The following TBCE variants were observed in gnomAD, a reference collection of about 807,000 sequenced individuals.
TBCE encodes the protein tubulin-specific chaperone E.
TBCE carries 53 observed loss-of-function variants against 77.0 expected under a neutral mutation model. The observed-to-expected ratio is 0.69, with a 90% CI of 0.55 to 0.87. The LOEUF is 0.87. Among genes scored for constraint, TBCE ranks in the 40% least tolerant of loss-of-function variants. The pLI is 0.00. For missense variants in TBCE, 624 were observed against 622.4 expected (o/e 1.00, Z -0.03); for synonymous variants, 235 against 241.3 (o/e 0.97, Z 0.24).
chr1:235,425,181 T>G (rs1680638856), intron 5 of TBCE, among the ~76,000 whole-genome samples: 1 of 152,202 alleles, frequency 6.6e-6, no homozygotes, highest in South Asian at 2.1e-4. Context: ...AGATTTAGCA[T>G]GTCCAAAACT....
At chr1:235,444,293 G>A (rs1558395991) in intron 15 of TBCE, among the ~76,000 whole-genome samples, 1 of 152,130 alleles carries the variant, frequency 6.6e-6, no homozygotes, top group African/African-American at 2.4e-5. Flanking sequence ...CTATATAATG[G>A]GTTAGAATTA....
chr1:235,378,877 AAAGT>A (rs1369183199), intron 1 of TBCE, among the ~76,000 whole-genome samples: 7 of 152,158 alleles, frequency 4.6e-5, no homozygotes, highest in African/African-American at 7.2e-5. Context: ...AGAAAAAAAG[AAAGT>A]GAGTTTTATT....
At chr1:235,401,806 ATGGCG>A (rs1252996532) in intron 3 of TBCE, among the ~76,000 whole-genome samples, 1 of 139,158 alleles carries the variant, frequency 7.2e-6, no homozygotes, top group Non-Finnish European at 1.5e-5. Flanking sequence ...GACCTTATGC[ATGGCG>A]TTGCTTTCTT....
Position 235,449,015 on chromosome 1 carries a change from C to T in TBCE, c.*253C>T, listed in dbSNP as rs1364031931. The T allele has an allele frequency of 1.0e-5, 4 of 391,992 alleles. No homozygotes were observed. The highest frequency in any genetic ancestry group is 1.9e-5 in the Non-Finnish European group (4 of 209,080). The allele number at this position is 391,992 out of a possible 1,614,324, so 24.3% of individuals were successfully genotyped here. ...TATTTATTTTTACAGCTCATCACTG[C>T]ATTTCATGATAAGATTTAAATATTA... On this transcript the variant is annotated 3_prime_UTR_variant, in exon 17 of 17. Transcript: ENST00000642610.
In TBCE at chr1:235,438,859, G is replaced by GA. The variant is rs748417931; in HGVS notation, c.1214dup (p.Asn405LysfsTer25). 6 of 1,614,030 alleles carry GA rather than the reference G, an allele frequency of 3.7e-6. No individual in the cohort carries two copies. The South Asian group carries it at 4.4e-5, about 12-fold the overall frequency. On this transcript the variant is annotated frameshift_variant, in exon 13 of 17. Transcript: ENST00000642610. LOFTEE classifies it high-confidence loss of function. ...ACAGGCTGGTGGACATAAGGATCCG[G>GA]AAAAAAACAGACTCAGCGAAGAATT...
chr1:235,378,488 C>T (rs1480975172), intron 1 of TBCE, among the ~76,000 whole-genome samples: 3 of 152,124 alleles, frequency 2.0e-5, no homozygotes, highest in Non-Finnish European at 4.4e-5. Flanking sequence ...CCTCCCAAAG[C>T]GCTGAGATTA....
At chr1:235,392,738 G>C (rs1164270311) in intron 2 of TBCE, among the ~76,000 whole-genome samples, 1 of 151,966 alleles carries the variant, frequency 6.6e-6, no homozygotes, top group Non-Finnish European at 1.5e-5. Flanking sequence ...AGTAAATCCA[G>C]ATTATTGAAA....
At chr1:235,370,743 T>G (rs572798768) in intron 1 of TBCE, among the ~76,000 whole-genome samples, 19,586 of 142,378 alleles carry the variant, frequency 0.14, 1,672 homozygotes, top group African/African-American at 0.24. Flanking sequence ...TCCTTGTCTT[T>G]TCTTTTTTTT....
rs1321554379 is a variant in TBCE, at chr1:235,450,734, A to G, written c.*1972A>G. On this transcript the variant is annotated 3_prime_UTR_variant, in exon 17 of 17. Transcript: ENST00000642610. Reference sequence around the variant, plus strand: ...CAGGGACTGTACCAAGTGCTTTGTAAATATCTCACTTAAATCTCACAGTAA... The same window carrying G: ...CAGGGACTGTACCAAGTGCTTTGTAGATATCTCACTTAAATCTCACAGTAA... 2 of 161,702 alleles carry G rather than the reference A, an allele frequency of 1.2e-5. No individual in the cohort carries two copies. Among genetic ancestry groups the G allele is most frequent in the East Asian group, 3.5e-4 (2 of 5,766 alleles). 10.0% of individuals were successfully genotyped at this position (161,702 alleles called of 1,614,324 possible).
At chr1:235,425,702 C>T (rs1239731253) in intron 5 of TBCE, among the ~76,000 whole-genome samples, 2 of 152,032 alleles carry the variant, frequency 1.3e-5, no homozygotes, top group African/African-American at 4.8e-5. Context: ...TTCTAGTACC[C>T]CCAAGCCCCT....
At chr1:235,419,250 TG>T in intron 4 of TBCE, 1 of 637,396 alleles carries the variant, frequency 1.6e-6, no homozygotes, top group South Asian at 2.0e-5. Flanking sequence ...GAGGGAGAAT[TG>T]TGTTTGGAGA....
rs140215853 is a variant in TBCE at position 235,436,274 on chromosome 1, A to G, written c.834-112A>G. 8.8e-6 allele frequency: 8 copies of G among 908,366 alleles called. No homozygotes were observed. The African/African-American group carries it at 1.1e-4, about 13-fold the overall frequency. 56.3% of individuals were successfully genotyped at this position (908,366 alleles called of 1,614,324 possible). A position where few individuals can be genotyped will look rare whatever the true frequency, so the allele number is the denominator to read the frequency against. On this transcript the variant is annotated intron_variant, in intron 9 of 16. Coordinates refer to ENST00000642610, the MANE Select transcript of TBCE (RefSeq NM_003193.5). ...ACTTTATGGTTTCTAAGTATTTTAC[A>G]TGGGATTAAAAACCCAGGGTGTAGG...
At chr1:235,382,757 T>C (rs1677758495) in intron 2 of TBCE, among the ~76,000 whole-genome samples, 1 of 146,974 alleles carries the variant, frequency 6.8e-6, no homozygotes, top group Non-Finnish European at 1.5e-5. Flanking sequence ...TTCTCCCATT[T>C]TGTAGGTTGC....
At chr1:235,427,310 CT>C (rs1427865166) in intron 6 of TBCE, 71 bp downstream of exon 6, 16 of 1,211,430 alleles carry the variant, frequency 1.3e-5, no homozygotes, top group Non-Finnish European at 1.9e-5. Flanking sequence ...CACAGCATCT[CT>C]GTGGAAAGAG....
intron 2 of TBCE, among the ~76,000 whole-genome samples, chr1:235,397,452 A>G (rs888911835): frequency 9.9e-5 from 15 of 152,144 alleles, no homozygotes; most frequent in African/African-American, 3.4e-4. Flanking sequence ...TGACCTTGTG[A>G]TCCACCCGCT....
chr1:235,374,855 C>T (rs1677192724), intron 1 of TBCE, among the ~76,000 whole-genome samples: 1 of 142,796 alleles, frequency 7.0e-6, no homozygotes, highest in Non-Finnish European at 1.5e-5. Flanking sequence ...TTCTCTGTAG[C>T]TACATAGGGC....
chr1:235,382,057 A>C (rs1031386117), intron 2 of TBCE, among the ~76,000 whole-genome samples: 18 of 148,644 alleles, frequency 1.2e-4, no homozygotes, highest in Admixed American at 7.6e-4. Flanking sequence ...GAGTGAGAAC[A>C]TGCAGTGTTT....
intron 8 of TBCE, among the ~76,000 whole-genome samples, chr1:235,434,755 A>G (rs1681322357): frequency 6.6e-6 from 1 of 151,660 alleles, no homozygotes. Context: ...ACGGGGTTTC[A>G]CCATCTTGGC....
chr1:235,368,540 G>A (rs1372447513), intron 1 of TBCE, among the ~76,000 whole-genome samples: 1 of 133,050 alleles, frequency 7.5e-6, no homozygotes, highest in Non-Finnish European at 1.6e-5. Flanking sequence ...TTTAATCTAA[G>A]TGGACAGCCT....
Sources: gnomAD v4.1 joint callset for allele counts (sites outside exome capture counted in the v4.1 genomes callset) on GRCh38, gnomAD v4.1.1 for gene constraint, MANE v1.5 for transcripts, NCBI Gene and HGNC (gene_info 2026-07-23, HGNC 2026-07-21) for gene names.